SIPA1L2: variants seen among roughly 807,000 people sequenced by gnomAD.
SIPA1L2 encodes signal induced proliferation associated 1 like 2, also known as signal-induced proliferation-associated 1-like protein 2.
Under a neutral mutation model 163.9 loss-of-function variants are expected in SIPA1L2, and 56 were observed. The observed-to-expected ratio is 0.34, with a 90% confidence interval of 0.28 to 0.43. The LOEUF is 0.43. SIPA1L2 is among the 20% of genes least tolerant of loss of function. SIPA1L2 has a pLI of 1.00. For missense variants in SIPA1L2, 1,974 were observed against 2,193.5 expected, an observed-to-expected ratio of 0.90 and a Z score of 2.00; for synonymous variants, 877 against 865.7, an observed-to-expected ratio of 1.01 and a Z score of -0.23.
chr1:232,519,752 TAA>T (rs1241402345), intron 2 of SIPA1L2, among the ~76,000 whole-genome samples: 13 of 152,190 alleles, frequency 8.5e-5, no homozygotes, highest in African/African-American at 2.7e-4. Flanking sequence ...AGATGTAGAA[TAA>T]ACTGGATCCT....
Position 232,518,300 on chromosome 1 carries a change from T to C in SIPA1L2, c.-269-2692A>G, listed in dbSNP as rs113370807. ...AATCCACTCCCCTTTCTTCTGGTAA[T>C]GGTGGCTTGAATTGCTTTGGAGAAT... On this transcript the variant is annotated intron_variant, in intron 2 of 22. Coordinates refer to ENST00000674635, the MANE Select transcript of SIPA1L2 (RefSeq NM_020808.5). 3.8e-3 allele frequency among the ~76,000 whole-genome samples: 586 copies of C among 152,280 alleles called. 6 individuals carry two copies. The highest frequency in any genetic ancestry group is 0.014 in the African/African-American group (562 of 41,548).
intron 1 of SIPA1L2, among the ~76,000 whole-genome samples, chr1:232,615,769 A>G (rs1558306540): frequency 6.6e-6 from 1 of 152,032 alleles, no homozygotes. Context: ...ACTTCCAATG[A>G]GGGGGGGCAG....
intron 2 of SIPA1L2, among the ~76,000 whole-genome samples, chr1:232,539,873 T>C (rs1657538036): frequency 6.6e-6 from 1 of 152,232 alleles, no homozygotes; most frequent in South Asian, 2.1e-4. Context: ...TTTTTTCTTC[T>C]GTGTGGACTA....
At chr1:232,548,832 C>A (rs1266263552) in intron 2 of SIPA1L2, among the ~76,000 whole-genome samples, 1 of 152,094 alleles carries the variant, frequency 6.6e-6, no homozygotes, top group East Asian at 1.9e-4. Context: ...GGGGACGCAG[C>A]CTACGCAAAG....
chr1:232,472,975 T>A (rs1298087557), intron 7 of SIPA1L2, among the ~76,000 whole-genome samples: 1 of 152,178 alleles, frequency 6.6e-6, no homozygotes, highest in Non-Finnish European at 1.5e-5. Context: ...ATCCCCATGG[T>A]CAAAGTTATA....
At position 232,424,322 on chromosome 1, in the gene SIPA1L2, C is replaced by CAAAAAAAA. The variant is rs55961523; in HGVS notation, c.4630+1259_4630+1266dup. Among the ~76,000 whole-genome samples, 34 of 71,770 alleles carry CAAAAAAAA rather than the reference C, an allele frequency of 4.7e-4. 1 individual carries two copies. The highest frequency in any genetic ancestry group is 8.6e-4 in the East Asian group (2 of 2,332). The allele number at this position is 71,770 out of a possible 152,430, so 47.1% of individuals were successfully genotyped here. On this transcript the variant is annotated intron_variant, in intron 18 of 22. Transcript: ENST00000674635. ...TCTATTTTTTTTTAAGTGAAGCTAA[C>CAAAAAAAA]AAAAAAAAAAAAAAAAAAAAAAAAA...
chr1:232,525,429 T>A (rs1667658667), intron 2 of SIPA1L2, among the ~76,000 whole-genome samples: 1 of 118,884 alleles, frequency 8.4e-6, no homozygotes, highest in Non-Finnish European at 1.7e-5. Context: ...TTTTTTTTTG[T>A]ATTTCTAGTA....
At chr1:232,483,755 A>G (rs1446880412) in intron 6 of SIPA1L2, 37 bp downstream of exon 6, 1 of 1,610,508 alleles carries the variant, frequency 6.2e-7, no homozygotes. Flanking sequence ...ACCTTTGGAG[A>G]ATTAAAAATG....
intron 10 of SIPA1L2, among the ~76,000 whole-genome samples, chr1:232,451,418 C>T (rs1362450477): frequency 6.6e-6 from 1 of 152,126 alleles, no homozygotes; most frequent in Non-Finnish European, 1.5e-5. Context: ...GAGTGTCAAA[C>T]TGGGGGCTGC....
intron 1 of SIPA1L2, among the ~76,000 whole-genome samples, chr1:232,590,855 T>A (rs1423327968): frequency 6.6e-6 from 1 of 152,236 alleles, no homozygotes; most frequent in African/African-American, 2.4e-5. Flanking sequence ...GAAGTGACTC[T>A]AAGAGAGAAA....
intron 3 of SIPA1L2, among the ~76,000 whole-genome samples, chr1:232,503,342 GA>G (rs911840652): frequency 6.6e-6 from 1 of 151,794 alleles, no homozygotes; most frequent in African/African-American, 2.4e-5. Context: ...AGCTCACAGG[GA>G]AAAAAAATGG....
intron 2 of SIPA1L2, among the ~76,000 whole-genome samples, chr1:232,522,500 C>CTTTTTT (rs5781702): frequency 1.4e-5 from 2 of 144,122 alleles, no homozygotes; most frequent in African/African-American, 5.1e-5. Context: ...AGCATTGTGC[C>CTTTTTT]TTTTTTTTTT....
chr1:232,500,822 A>G (rs1260569983), intron 3 of SIPA1L2, among the ~76,000 whole-genome samples: 1 of 152,200 alleles, frequency 6.6e-6, no homozygotes, highest in Non-Finnish European at 1.5e-5. Context: ...TGTGGGTCAA[A>G]TGCTATCAAA....
intron 2 of SIPA1L2, among the ~76,000 whole-genome samples, chr1:232,532,975 T>A (rs553459144): frequency 6.6e-6 from 1 of 152,164 alleles, no homozygotes; most frequent in Non-Finnish European, 1.5e-5. Flanking sequence ...TGCTCCATAA[T>A]GACATTAGCT....
chr1:232,613,696 AT>A (rs1042754470), intron 1 of SIPA1L2, among the ~76,000 whole-genome samples: 15 of 62,448 alleles, frequency 2.4e-4, no homozygotes, highest in African/African-American at 1.1e-3. Flanking sequence ...CAAGAACAAA[AT>A]TTATGTGTGT....
chr1:232,432,251 G>C lies in SIPA1L2; in HGVS notation c.4252C>G (p.Pro1418Ala), dbSNP rs572156616. Reference sequence around the variant, plus strand: ...AAGAACAGCCAGCCACCTTACCCGGGACATTCAGTCACTTCAGGCTCCTCG... The same window carrying C: ...AAGAACAGCCAGCCACCTTACCCGGCACATTCAGTCACTTCAGGCTCCTCG... ...PPEEPEVTEC[P>A]GMYSEMDVMS... Residue 1418 changes from proline to alanine, a missense_variant, in exon 16 of 23, where the codon CCC becomes GCC. Pro to Ala is a conservative substitution (Grantham distance 27). Transcript: ENST00000674635. 164 of 1,613,390 alleles carry C rather than the reference G, an allele frequency of 1.0e-4. 2 individuals are homozygous for C. The South Asian group carries it at 1.6e-3, about 16-fold the overall frequency.
chr1:232,458,763 T>C (rs1368665793), intron 10 of SIPA1L2, among the ~76,000 whole-genome samples: 3 of 152,224 alleles, frequency 2.0e-5, no homozygotes, highest in Admixed American at 1.3e-4. Flanking sequence ...GAAAATGTAC[T>C]ATAAAAGAAT....
chr1:232,525,155 T>C (rs1490177346), intron 2 of SIPA1L2, among the ~76,000 whole-genome samples: 1 of 152,062 alleles, frequency 6.6e-6, no homozygotes, highest in Non-Finnish European at 1.5e-5. Flanking sequence ...ATTTAACGTT[T>C]TTTTTTTATG....
Position 232,399,398 on chromosome 1 carries a change from A to G in SIPA1L2, c.5023-125T>C, listed in dbSNP as rs1184622606. ...GTACTTTTTGAGGGGAGAAGGGGTG[A>G]CTTTCTTTAGTGAGGGGACTTTTCT... On this transcript the variant is annotated intron_variant, in intron 22 of 22. Coordinates refer to ENST00000674635, the MANE Select transcript of SIPA1L2 (RefSeq NM_020808.5). The G allele has an allele frequency of 2.8e-6, 3 of 1,068,680 alleles. No homozygotes were observed. The African/African-American group carries it at 4.8e-5, about 17-fold the overall frequency. 66.2% of individuals were successfully genotyped at this position (1,068,680 alleles called of 1,614,324 possible).
Sources: allele counts gnomAD v4.1 joint callset (sites outside exome capture counted in the v4.1 genomes callset), GRCh38; gene constraint gnomAD v4.1.1; transcripts MANE v1.5; gene names NCBI Gene and HGNC (gene_info 2026-07-23, HGNC 2026-07-21).